CDHR2: variants seen among roughly 807,000 people sequenced by gnomAD.
CDHR2 encodes the protein cadherin related family member 2, also known as cadherin-related family member 2.
A neutral mutation model predicts 138.6 loss-of-function variants in CDHR2; 104 were observed. That is an observed-to-expected ratio of 0.75 (90% CI 0.64 to 0.88). The LOEUF (loss-of-function observed/expected upper bound fraction) is 0.88. CDHR2 is among the 40% of genes least tolerant of loss of function. The pLI, the probability that CDHR2 is intolerant of heterozygous loss-of-function variation, is 0.00. For synonymous variants in CDHR2, 755 were observed against 742.8 expected, an observed-to-expected ratio of 1.02 and a Z score of -0.27; for missense variants, 1,624 against 1,727.6, an observed-to-expected ratio of 0.94 and a Z score of 1.06.
At chr5:176,586,165 G>A (rs1400393921) in intron 20 of CDHR2, 140 bp downstream of exon 20, 4 of 658,162 alleles carry the variant, frequency 6.1e-6, no homozygotes, top group African/African-American at 3.7e-5. Flanking sequence ...TCCTAGGGCT[G>A]CAATAGGAGA....
chr5:176,566,825 C>T (rs993436062), intron 3 of CDHR2: 2 of 413,810 alleles, frequency 4.8e-6, no homozygotes, highest in East Asian at 1.5e-4. Flanking sequence ...TGCAAGGGAA[C>T]CTGGCAAATG....
chr5:176,578,479 C>T lies in CDHR2; in HGVS notation c.1689C>T (p.Gly563=), dbSNP rs374525439. 17 of 1,613,690 alleles carry T rather than the reference C, an allele frequency of 1.1e-5. No homozygotes were observed. Among genetic ancestry groups the T allele is most frequent in the South Asian group, 7.7e-5 (7 of 91,020 alleles). The change falls in exon 16 of 32, where the codon GGC becomes GGT. Residue 563 remains glycine (G), a synonymous_variant. Coordinates refer to ENST00000261944, the MANE Select transcript of CDHR2 (RefSeq NM_017675.6). ...ACCTGACGCTGCAGGCCACAGACGG[C>T]GGGAACCTGTCCTCCTCCACCACAC... The part of the protein sequence containing the change: ...VYYLTLQATD[G]GNLSSSTTLQ...
rs143141080 is a variant in CDHR2 at position 176,578,551 on chromosome 5, C to T, written c.1761C>T (p.Ser587=). The part of the protein sequence containing the change: ...LDINDNAPVV[S]GSYNIFVQEE... Reference sequence around the variant, plus strand: ...TCAACGACAATGCACCCGTGGTTAGCGGCTCCTACAACATCTTCGTCCAGG... The same window carrying T: ...TCAACGACAATGCACCCGTGGTTAGTGGCTCCTACAACATCTTCGTCCAGG... Residue 587 remains serine (S), a synonymous_variant, in exon 16 of 32, where the codon AGC becomes AGT. Coordinates refer to ENST00000261944, the MANE Select transcript of CDHR2 (RefSeq NM_017675.6). The T allele has an allele frequency of 4.9e-5, 79 of 1,613,978 alleles. No individual in the cohort carries two copies. Among genetic ancestry groups the T allele is most frequent in the African/African-American group, 6.7e-5 (5 of 75,022 alleles).
intron 1 of CDHR2, among the ~76,000 whole-genome samples, chr5:176,558,290 AC>A (rs1757887483): frequency 7.1e-6 from 1 of 141,710 alleles, no homozygotes; most frequent in South Asian, 2.2e-4. Flanking sequence ...ATCTCGGCTC[AC>A]TGCAAGCTCC....
At chr5:176,551,988 G>C (rs1757716744) in intron 1 of CDHR2, among the ~76,000 whole-genome samples, 1 of 152,166 alleles carries the variant, frequency 6.6e-6, no homozygotes, top group Non-Finnish European at 1.5e-5. Context: ...GGGATTACAG[G>C]CGTGAGTCAC....
chr5:176,556,047 C>T (rs1376900647), intron 1 of CDHR2, among the ~76,000 whole-genome samples: 1 of 152,204 alleles, frequency 6.6e-6, no homozygotes, highest in Non-Finnish European at 1.5e-5. Flanking sequence ...CCATGATTCC[C>T]CACCTCTCTC....
chr5:176,592,529 G>T lies in CDHR2; in HGVS notation c.3735-194G>T, dbSNP rs1395742446. 2.0e-5 allele frequency among the ~76,000 whole-genome samples: 3 copies of T among 151,296 alleles called. No individual in the cohort carries two copies. In the East Asian group the frequency reaches 5.8e-4, roughly 29 times the overall value. ...TGATTATGATGATAGTGGTGGTGGT[G>T]GTGTTGGTGTTGAGGTGATGGTGAT... On this transcript the variant is annotated intron_variant, in intron 30 of 31. Coordinates refer to ENST00000261944, the MANE Select transcript of CDHR2 (RefSeq NM_017675.6).
chr5:176,551,917 T>C (rs1051081798), intron 1 of CDHR2, among the ~76,000 whole-genome samples: 3 of 151,840 alleles, frequency 2.0e-5, no homozygotes, highest in Admixed American at 6.6e-5. Context: ...CGTTTCACCA[T>C]GTTAGCCAGG....
chr5:176,560,684 C>G (rs1458736122), intron 1 of CDHR2, among the ~76,000 whole-genome samples: 2 of 152,258 alleles, frequency 1.3e-5, no homozygotes, highest in East Asian at 3.8e-4. Context: ...ATTGCCTTCC[C>G]ATTGCTGGGA....
chr5:176,556,540 C>T (rs1757830322), intron 1 of CDHR2, among the ~76,000 whole-genome samples: 1 of 152,206 alleles, frequency 6.6e-6, no homozygotes, highest in Admixed American at 6.5e-5. Context: ...TGGCAGGCAC[C>T]TGTAGTCCCA....
rs752072702 is a variant in CDHR2 at position 176,571,216 on chromosome 5, C to T, written c.319C>T (p.Gln107Ter). The change falls in exon 6 of 32, where the codon CAG (glutamine) becomes TAG (stop). Residue 107 changes from glutamine (Q) to a stop codon, truncating the protein, a stop_gained. Coordinates refer to ENST00000261944, the MANE Select transcript of CDHR2 (RefSeq NM_017675.6). LOFTEE classifies it high-confidence loss of function. ...ISVSDPYIQV[Q>*]REMLVIVEDR... is the part of the protein sequence containing the mutation. ...CCCTGGGCTTTCTCACTTGCAGGTG[C>T]AGAGGGAGATGCTGGTGATTGTGGA... 2 of 1,611,084 alleles carry T rather than the reference C, an allele frequency of 1.2e-6. No homozygotes were observed. Among genetic ancestry groups the T allele is most frequent in the Non-Finnish European group, 1.7e-6 (2 of 1,177,924 alleles).
At chr5:176,590,731 C>A (rs1368009926) in intron 28 of CDHR2, 44 bp downstream of exon 28, 1 of 1,611,282 alleles carries the variant, frequency 6.2e-7, no homozygotes, top group Non-Finnish European at 8.5e-7. Flanking sequence ...TCACCCTCTC[C>A]CACCACCCAA....
In CDHR2 at chr5:176,584,246, G is replaced by T. The variant is rs1758595044; in HGVS notation, c.2115G>T (p.Lys705Asn). 16 of 1,614,012 alleles carry T rather than the reference G, an allele frequency of 9.9e-6. No individual in the cohort carries two copies. The highest frequency in any genetic ancestry group is 1.4e-5 in the Non-Finnish European group (16 of 1,179,856). The change falls in exon 18 of 32, where the codon AAG (lysine) becomes AAT (asparagine). Residue 705 changes from lysine (K) to asparagine (N), a missense_variant. Physicochemically the swap from Lys to Asn is moderately conservative, Grantham distance 94 (BLOSUM62 0). Transcript: ENST00000261944. Reference sequence around the variant, plus strand: ...AGTCCAGCTACAACTTTACGGTGAAGGAGGAGGATCCAGGTATGTGCTCCC... The same window carrying T: ...AGTCCAGCTACAACTTTACGGTGAATGAGGAGGATCCAGGTATGTGCTCCC... The part of the protein sequence containing the change: ...FNQSSYNFTV[K>N]EEDPGVLVGV...
chr5:176,585,277 T>G (rs775195218), intron 19 of CDHR2, among the ~76,000 whole-genome samples: 1 of 144,858 alleles, frequency 6.9e-6, no homozygotes, highest in Non-Finnish European at 1.5e-5. Flanking sequence ...TGCAGTAGCA[T>G]CAAATTAATG....
intron 5 of CDHR2, among the ~76,000 whole-genome samples, chr5:176,569,832 C>T (rs967489518): frequency 1.3e-5 from 2 of 152,060 alleles, no homozygotes; most frequent in Non-Finnish European, 2.9e-5. Context: ...TGGTGGTACA[C>T]GCTTGTAATT....
intron 16 of CDHR2, 40 bp from the exon 17 acceptor site, chr5:176,581,303 A>C: frequency 6.2e-7 from 1 of 1,605,692 alleles, no homozygotes; most frequent in Non-Finnish European, 8.5e-7. Flanking sequence ...GGGGCTGGGA[A>C]TGCCGATGGC....
At chr5:176,586,699 AG>A (rs1345026552) in intron 20 of CDHR2, 93 bp from the exon 21 acceptor site, 1 of 1,157,210 alleles carries the variant, frequency 8.6e-7, no homozygotes, top group South Asian at 1.3e-5. Flanking sequence ...GGGCAGGTTT[AG>A]GGGGATGAGC....
chr5:176,588,712 A>AAT (rs1254238550), intron 21 of CDHR2, among the ~76,000 whole-genome samples: 1 of 100,582 alleles, frequency 9.9e-6, no homozygotes, highest in Non-Finnish European at 2.3e-5. Context: ...TGTGTGTGTG[A>AAT]GTGTGTGTGT....
At chr5:176,569,511 T>C (rs1758173659) in intron 5 of CDHR2, among the ~76,000 whole-genome samples, 1 of 152,026 alleles carries the variant, frequency 6.6e-6, no homozygotes, top group Non-Finnish European at 1.5e-5. Context: ...CTTGATCTCC[T>C]GACCTTGTGA....
Sources: gnomAD v4.1 joint callset for allele counts (sites outside exome capture counted in the v4.1 genomes callset) on GRCh38, gnomAD v4.1.1 for gene constraint, MANE v1.5 for transcripts, NCBI Gene and HGNC (gene_info 2026-07-23, HGNC 2026-07-21) for gene names.